ANK3: variants seen among roughly 807,000 people sequenced by gnomAD.
ANK3 encodes the protein ankyrin-3.
Under a neutral mutation model 370.9 loss-of-function variants are expected in ANK3, and 57 were observed. The observed-to-expected ratio is 0.15, with a 90% CI of 0.12 to 0.19. The LOEUF is 0.19. Ranked by LOEUF, ANK3 falls within the 10% of genes least tolerant of loss-of-function variation. ANK3 has a pLI of 1.00. For synonymous variants in ANK3, 1,929 were observed against 1,946.3 expected, an observed-to-expected ratio of 0.99 and a Z score of 0.23; for missense variants, 4,439 against 5,302.1, an observed-to-expected ratio of 0.84 and a Z score of 5.06.
At chr10:60,528,954 A>C (rs1224422963) in intron 2 of ANK3, among the ~76,000 whole-genome samples, 3 of 152,158 alleles carry the variant, frequency 2.0e-5, no homozygotes, top group Non-Finnish European at 4.4e-5. Context: ...TAATGTTTAT[A>C]ATAATGCTGA....
At chr10:60,486,760 A>G (rs1278070386) in intron 2 of ANK3, among the ~76,000 whole-genome samples, 10 of 152,278 alleles carry the variant, frequency 6.6e-5, no homozygotes, top group Non-Finnish European at 1.3e-4. Flanking sequence ...AACAATATAT[A>G]TTAAAATAAA....
At chr10:60,106,591 T>G (rs1012774563) in intron 27 of ANK3, among the ~76,000 whole-genome samples, 1 of 149,468 alleles carries the variant, frequency 6.7e-6, no homozygotes, top group Admixed American at 6.8e-5. Context: ...GTTAAGACAA[T>G]TCCTGTGTTT....
chr10:60,702,402 A>G (rs542328270), intron 1 of ANK3, among the ~76,000 whole-genome samples: 1 of 152,322 alleles, frequency 6.6e-6, no homozygotes, highest in South Asian at 2.1e-4. Flanking sequence ...CTGGATACAA[A>G]ACATTGTACA....
intron 2 of ANK3, among the ~76,000 whole-genome samples, chr10:60,400,582 C>A (rs1030198110): frequency 2.6e-5 from 4 of 151,958 alleles, no homozygotes; most frequent in Admixed American, 6.6e-5. Context: ...TTTTACATTA[C>A]AATAAAAACT....
chr10:60,554,399 T>C (rs2077161672), intron 2 of ANK3, among the ~76,000 whole-genome samples: 1 of 152,134 alleles, frequency 6.6e-6, no homozygotes, highest in Admixed American at 6.5e-5. Context: ...GGCTCCAAAC[T>C]GGTGGCAGCT....
chr10:60,301,123 GAT>G lies in ANK3; in HGVS notation c.115-21486_115-21485del, dbSNP rs34302629. 5.5e-3 allele frequency among the ~76,000 whole-genome samples: 745 copies of G among 135,006 alleles called. 5 individuals are homozygous for G. Among genetic ancestry groups the G allele is most frequent in the Non-Finnish European group, 7.2e-3 (454 of 63,216 alleles). The allele number at this position is 135,006 out of a possible 152,430, so 88.6% of individuals were successfully genotyped here. A position where few individuals can be genotyped will look rare whatever the true frequency, so the allele number is the denominator to read the frequency against. ...ACCAAACAACTCATTGAATACTTCCGATATATATATATATATATATATGTATC... is the reference window on the plus strand; with the variant it reads ...ACCAAACAACTCATTGAATACTTCCGATATATATATATATATATATGTATC... On this transcript the variant is annotated intron_variant, in intron 1 of 43. Coordinates refer to ENST00000280772, the MANE Select transcript of ANK3 (RefSeq NM_020987.5).
chr10:60,578,267 A>G (rs1194502273), intron 2 of ANK3, among the ~76,000 whole-genome samples: 3 of 152,194 alleles, frequency 2.0e-5, no homozygotes, highest in Non-Finnish European at 4.4e-5. Flanking sequence ...TGTTAAATGC[A>G]TGGTTTGCTT....
intron 42 of ANK3, among the ~76,000 whole-genome samples, chr10:60,054,464 A>G (rs897916729): frequency 6.6e-6 from 1 of 152,206 alleles, no homozygotes; most frequent in Non-Finnish European, 1.5e-5. Flanking sequence ...TTAGGATATC[A>G]TTTAAGCAAC....
chr10:60,174,243 G>A (rs1200927722), intron 18 of ANK3, among the ~76,000 whole-genome samples: 4 of 152,274 alleles, frequency 2.6e-5, no homozygotes, highest in Non-Finnish European at 4.4e-5. Flanking sequence ...GCCCTAGAGC[G>A]GTGACTCTTG....
At chr10:60,582,391 C>G (rs1316680127) in intron 2 of ANK3, among the ~76,000 whole-genome samples, 1 of 152,068 alleles carries the variant, frequency 6.6e-6, no homozygotes, top group African/African-American at 2.4e-5. Flanking sequence ...CAATTGTTTC[C>G]TGAATTTTCC....
chr10:60,333,351 C>G (rs2051876975), intron 1 of ANK3, among the ~76,000 whole-genome samples: 1 of 152,016 alleles, frequency 6.6e-6, no homozygotes, highest in African/African-American at 2.4e-5. Context: ...TCCCTGTGCC[C>G]ATGTGTTCTC....
chr10:60,432,473 T>A (rs900817946), intron 2 of ANK3, among the ~76,000 whole-genome samples: 2 of 152,240 alleles, frequency 1.3e-5, no homozygotes, highest in Non-Finnish European at 2.9e-5. Context: ...AGGGTGACAC[T>A]GATAGCAGAA....
chr10:60,614,040 C>T (rs532431094), intron 2 of ANK3, among the ~76,000 whole-genome samples: 1 of 152,260 alleles, frequency 6.6e-6, no homozygotes, highest in Admixed American at 6.5e-5. Flanking sequence ...TACCACTGCA[C>T]TCCAGCCTGG....
At chr10:60,077,022 C>A (rs2083993718) in intron 36 of ANK3, among the ~76,000 whole-genome samples, 1 of 152,014 alleles carries the variant, frequency 6.6e-6, no homozygotes, top group Admixed American at 6.6e-5. Context: ...TTTCCAAAAC[C>A]ACTCAAGCCT....
intron 16 of ANK3, among the ~76,000 whole-genome samples, chr10:60,191,568 CAA>C (rs2096482710): frequency 6.6e-6 from 1 of 151,928 alleles, no homozygotes; most frequent in Non-Finnish European, 1.5e-5. Context: ...TATGAGAAGT[CAA>C]AAATAATAGA....
At chr10:60,213,256 G>T (rs546239598) in intron 9 of ANK3, among the ~76,000 whole-genome samples, 156 bp downstream of exon 9, 1 of 152,162 alleles carries the variant, frequency 6.6e-6, no homozygotes, top group South Asian at 2.1e-4. Flanking sequence ...ATCTTAATTA[G>T]CCCAAACTTA....
intron 2 of ANK3, among the ~76,000 whole-genome samples, chr10:60,525,124 G>GA (rs1422690032): frequency 6.6e-6 from 1 of 152,078 alleles, no homozygotes; most frequent in East Asian, 1.9e-4. Context: ...AATTGTAGGA[G>GA]AAACTGGTTA....
At chr10:60,648,149 T>C (rs1314100018) in intron 1 of ANK3, among the ~76,000 whole-genome samples, 1 of 74,286 alleles carries the variant, frequency 1.3e-5, no homozygotes, top group Non-Finnish European at 2.9e-5. Flanking sequence ...CCAGCCTCTT[T>C]TTTTTTTCCT....
At chr10:60,700,450 T>A (rs951464681) in intron 1 of ANK3, among the ~76,000 whole-genome samples, 11 of 151,958 alleles carry the variant, frequency 7.2e-5, no homozygotes, top group African/African-American at 2.7e-4. Flanking sequence ...TGAAAAAATT[T>A]CCCCCCTGGA....
Sources: gnomAD v4.1 joint callset for allele counts (sites outside exome capture counted in the v4.1 genomes callset) on GRCh38, gnomAD v4.1.1 for gene constraint, MANE v1.5 for transcripts, NCBI Gene and HGNC (gene_info 2026-07-23, HGNC 2026-07-21) for gene names.